Variants in SYN2 observed in about 807,000 individuals in gnomAD.
SYN2 encodes synapsin-2.
In SYN2, 19 loss-of-function variants were observed where a neutral mutation model predicts 50.9. That is an observed-to-expected ratio of 0.37 (90% CI 0.26 to 0.55). The LOEUF (loss-of-function observed/expected upper bound fraction) is 0.55. Among genes scored for constraint, SYN2 ranks in the 20% least tolerant of loss-of-function variants. SYN2 has a pLI of 0.81. For synonymous variants in SYN2, 255 were observed against 224.9 expected, an observed-to-expected ratio of 1.13 and a Z score of -1.20; for missense variants, 587 against 576.4, an observed-to-expected ratio of 1.02 and a Z score of -0.19.
intron 1 of SYN2, among the ~76,000 whole-genome samples, chr3:12,103,907 C>T (rs1411298781): frequency 2.6e-5 from 4 of 152,030 alleles, no homozygotes; most frequent in Non-Finnish European, 5.9e-5. Flanking sequence ...CAAAATTTGC[C>T]AGTTAAAAGA....
At chr3:12,050,711 C>CTCTTTT (rs1268024407) in intron 1 of SYN2, among the ~76,000 whole-genome samples, 4 of 50,578 alleles carry the variant, frequency 7.9e-5, no homozygotes, top group Admixed American at 7.4e-4. Context: ...CTTCTCTTCT[C>CTCTTTT]TTTTTTTTTT....
intron 1 of SYN2, among the ~76,000 whole-genome samples, chr3:12,087,917 TAA>T (rs79920668): frequency 6.8e-6 from 1 of 146,410 alleles, no homozygotes; most frequent in East Asian, 2.0e-4. Context: ...TCACATCATA[TAA>T]AAAAAAAACC....
At chr3:12,184,896 GCTGGCT>G in intron 11 of SYN2, 1 of 985,632 alleles carries the variant, frequency 1.0e-6, no homozygotes, top group Non-Finnish European at 1.2e-6. Context: ...AAGAAATGCT[GCTGGCT>G]CTATTTTTAC....
chr3:12,044,254 CA>C (rs1694690036), intron 1 of SYN2, among the ~76,000 whole-genome samples: 1 of 150,728 alleles, frequency 6.6e-6, no homozygotes, highest in Non-Finnish European at 1.5e-5. Context: ...GAGGAGAGGG[CA>C]GTAAGACATG....
At chr3:12,079,075 G>C (rs1275986818) in intron 1 of SYN2, among the ~76,000 whole-genome samples, 17 of 152,104 alleles carry the variant, frequency 1.1e-4, no homozygotes, top group African/African-American at 3.4e-4. Flanking sequence ...TCGTGAACAG[G>C]AGTTCATTCA....
At position 12,185,243 on chromosome 3, in the gene SYN2, G is replaced by T. The variant is rs993212224; in HGVS notation, c.1369+1871G>T. 6.1e-6 allele frequency: 6 copies of T among 985,684 alleles called. No individual in the cohort carries two copies. The African/African-American group carries it at 8.7e-5, about 14-fold the overall frequency. The allele number at this position is 985,684 out of a possible 1,614,324, so 61.1% of individuals were successfully genotyped here. ...CGATAGAATAAAGTAACATTTCCCA[G>T]AATGGAGGAATACATTATTTTATCG... On this transcript the variant is annotated intron_variant, in intron 11 of 12. Coordinates refer to ENST00000621198, the MANE Select transcript of SYN2 (RefSeq NM_133625.6).
Position 12,105,495 on chromosome 3 carries a change from G to A in SYN2, c.378-35156G>A, listed in dbSNP as rs1401414326. On this transcript the variant is annotated intron_variant, in intron 1 of 12. Coordinates refer to ENST00000621198, the MANE Select transcript of SYN2 (RefSeq NM_133625.6). ...TACCTAGGACAAACACCACTAGAAG[G>A]TATGGATCTTCTAGTGGTGTTTGTC... Among the ~76,000 whole-genome samples the A allele has an allele frequency of 3.7e-5, 5 of 136,744 alleles. No individual in the cohort carries two copies. The South Asian group carries it at 7.4e-4, about 20-fold the overall frequency. The allele number at this position is 136,744 out of a possible 152,430, so 89.7% of individuals were successfully genotyped here. A position where few individuals can be genotyped will look rare whatever the true frequency, so the allele number is the denominator to read the frequency against.
At chr3:12,132,866 G>A (rs1272184468) in intron 1 of SYN2, among the ~76,000 whole-genome samples, 2 of 152,092 alleles carry the variant, frequency 1.3e-5, no homozygotes, top group African/African-American at 4.8e-5. Flanking sequence ...CTGTCTTCAG[G>A]AAACAATTTT....
intron 3 of SYN2, 105 bp from the exon 4 acceptor site, chr3:12,145,574 G>T: frequency 1.5e-6 from 2 of 1,299,178 alleles, no homozygotes; most frequent in Non-Finnish European, 1.1e-6. Context: ...GGACTAGGTG[G>T]TTCCTAAGCC....
At chr3:12,179,910 C>T (rs950032263) in intron 10 of SYN2, among the ~76,000 whole-genome samples, 2 of 152,112 alleles carry the variant, frequency 1.3e-5, no homozygotes, top group African/African-American at 4.8e-5. Flanking sequence ...TTGAGCCTGT[C>T]GTCACTCTGT....
intron 3 of SYN2, among the ~76,000 whole-genome samples, chr3:12,145,401 T>C (rs1697123738): frequency 6.6e-6 from 1 of 152,056 alleles, no homozygotes; most frequent in Non-Finnish European, 1.5e-5. Flanking sequence ...CTGGGCATGG[T>C]GATGTGTGCC....
intron 1 of SYN2, among the ~76,000 whole-genome samples, chr3:12,007,704 C>G (rs1478531689): frequency 6.6e-6 from 1 of 152,122 alleles, no homozygotes; most frequent in Non-Finnish European, 1.5e-5. Context: ...AGAGTCTGAA[C>G]AAGCATTTAA....
intron 1 of SYN2, among the ~76,000 whole-genome samples, chr3:12,063,758 A>G (rs563285826): frequency 1.1e-4 from 17 of 152,180 alleles, no homozygotes; most frequent in African/African-American, 4.1e-4. Context: ...GAATAGTTTG[A>G]GCAAGAAAAT....
In SYN2 at chr3:12,070,921, A is replaced by G. The variant is rs1437980972; in HGVS notation, c.377+65993A>G. On this transcript the variant is annotated intron_variant, in intron 1 of 12. Transcript: ENST00000621198. Reference sequence around the variant, plus strand: ...CCTGGACTTCGAACAGGAGATGGCCACCGCCGCATCCTCCTCCTCTCTGGA... The same window carrying G: ...CCTGGACTTCGAACAGGAGATGGCCGCCGCCGCATCCTCCTCCTCTCTGGA... 4 of 556,354 alleles carry G rather than the reference A, an allele frequency of 7.2e-6. No homozygotes were observed. The East Asian group carries it at 1.9e-4, about 26-fold the overall frequency. The allele number at this position is 556,354 out of a possible 1,614,324, so 34.5% of individuals were successfully genotyped here.
intron 1 of SYN2, among the ~76,000 whole-genome samples, chr3:12,121,344 T>TA (rs1177358212): frequency 6.6e-6 from 1 of 152,208 alleles, no homozygotes; most frequent in Non-Finnish European, 1.5e-5. Flanking sequence ...GCATCTCACT[T>TA]ATGGTGGATG....
At chr3:12,039,469 A>G (rs1181754159) in intron 1 of SYN2, among the ~76,000 whole-genome samples, 1 of 151,200 alleles carries the variant, frequency 6.6e-6, no homozygotes, top group Non-Finnish European at 1.5e-5. Context: ...CCTTTGTGCT[A>G]GGTAGAGGTC....
chr3:12,135,733 G>A (rs1032105489), intron 1 of SYN2, among the ~76,000 whole-genome samples: 6 of 152,198 alleles, frequency 3.9e-5, no homozygotes, highest in African/African-American at 1.2e-4. Flanking sequence ...AGGGCCTGCA[G>A]AAATAGGCTC....
chr3:12,187,369 G>T lies in SYN2; in HGVS notation c.1370G>T (p.Gly457Val). The T allele has an allele frequency of 6.5e-7, 1 of 1,537,928 alleles. No individual in the cohort carries two copies. Among genetic ancestry groups the T allele is most frequent in the Middle Eastern group, 1.7e-4 (1 of 5,926 alleles). The change falls in exon 12 of 13, where the codon GGG (glycine) becomes GTG (valine). Residue 457 changes from glycine to valine, a missense_variant and splice_region_variant. By Grantham distance (109) the Gly-to-Val change is moderately radical (BLOSUM62 -3). Coordinates refer to ENST00000621198, the MANE Select transcript of SYN2 (RefSeq NM_133625.6). ...KTPPQRPPPQ[G>V]GPGQPQGMQP... Reference sequence around the variant, plus strand: ...GAAGTTTTTCTTGTACTGAACCTAGGGGGCCCTGGGCAACCCCAAGGAATG... The same window carrying T: ...GAAGTTTTTCTTGTACTGAACCTAGTGGGCCCTGGGCAACCCCAAGGAATG...
intron 1 of SYN2, among the ~76,000 whole-genome samples, chr3:12,049,145 A>G (rs1694803130): frequency 6.6e-6 from 1 of 152,166 alleles, no homozygotes; most frequent in Admixed American, 6.5e-5. Context: ...GTAGTAAGAT[A>G]GTCTGAATGC....
Sources: allele counts gnomAD v4.1 joint callset (sites outside exome capture counted in the v4.1 genomes callset), GRCh38; gene constraint gnomAD v4.1.1; transcripts MANE v1.5; gene names NCBI Gene and HGNC (gene_info 2026-07-23, HGNC 2026-07-21).